Variants in MLIP observed in about 807,000 individuals in gnomAD.
MLIP encodes muscular LMNA-interacting protein.
MLIP carries 79 observed loss-of-function variants against 84.8 expected under a neutral mutation model. That is an observed-to-expected ratio of 0.93 (90% CI 0.78 to 1.12). MLIP has a LOEUF of 1.12. Ranked by LOEUF, MLIP falls within the 50% of genes most tolerant of loss-of-function variation. MLIP has a pLI of 0.00. For synonymous variants in MLIP, 504 were observed against 463.0 expected (o/e 1.09, Z -1.14); for missense variants, 1,257 against 1,160.6 (o/e 1.08, Z -1.21).
At chr6:54,117,841 A>C (rs1199297961) in intron 1 of MLIP, among the ~76,000 whole-genome samples, 1 of 151,696 alleles carries the variant, frequency 6.6e-6, no homozygotes, top group Non-Finnish European at 1.5e-5. Flanking sequence ...AGCTACTCGG[A>C]AGGCTGAAGC....
At chr6:54,143,414 C>T (rs749407603) in intron 4 of MLIP, among the ~76,000 whole-genome samples, 7 of 152,052 alleles carry the variant, frequency 4.6e-5, no homozygotes, top group Non-Finnish European at 8.8e-5. Context: ...CCACATTGGC[C>T]AGGCTGGTCT....
chr6:54,058,990 G>A (rs997004701), intron 1 of MLIP: 2 of 152,192 alleles, frequency 1.3e-5, no homozygotes, highest in Non-Finnish European at 2.9e-5. Context: ...TTTAACAACA[G>A]TATCAACAAC....
intron 4 of MLIP, among the ~76,000 whole-genome samples, chr6:54,144,173 G>A (rs981651783): frequency 3.3e-5 from 5 of 152,140 alleles, no homozygotes; most frequent in Non-Finnish European, 5.9e-5. Flanking sequence ...CCCTATGAAC[G>A]GGATCAGGGC....
intron 8 of MLIP, among the ~76,000 whole-genome samples, chr6:54,164,534 A>C (rs968418111): frequency 2.0e-5 from 3 of 151,918 alleles, no homozygotes; most frequent in Non-Finnish European, 4.4e-5. Context: ...GTTTTGACAA[A>C]AGAATCCAAT....
intron 11 of MLIP, chr6:54,203,584 CTTCCT>C (rs1375758031): frequency 6.6e-6 from 1 of 151,748 alleles, no homozygotes; most frequent in Non-Finnish European, 1.5e-5. Context: ...TTCTTTCTTT[CTTCCT>C]TTCTTTTTTT....
chr6:54,094,698 T>A (rs931503700), intron 1 of MLIP, among the ~76,000 whole-genome samples: 1 of 152,108 alleles, frequency 6.6e-6, no homozygotes, highest in Admixed American at 6.6e-5. Flanking sequence ...GAATTTGCTG[T>A]CTATGGCCTA....
intron 4 of MLIP, among the ~76,000 whole-genome samples, chr6:54,146,071 G>C (rs912098804): frequency 2.6e-5 from 4 of 152,022 alleles, no homozygotes; most frequent in African/African-American, 7.2e-5. Flanking sequence ...CTAAAGCCCT[G>C]TTTTTGGGTA....
At chr6:54,155,861 A>AT (rs1258443316) in intron 5 of MLIP, among the ~76,000 whole-genome samples, 1 of 152,106 alleles carries the variant, frequency 6.6e-6, no homozygotes, top group East Asian at 1.9e-4. Flanking sequence ...AACACTTGTA[A>AT]TGAGAGTATT....
intron 8 of MLIP, among the ~76,000 whole-genome samples, chr6:54,167,822 T>C (rs1381295741): frequency 6.6e-6 from 1 of 151,868 alleles, no homozygotes; most frequent in Non-Finnish European, 1.5e-5. Context: ...GATATCAGGC[T>C]GAAGACCATG....
At chr6:54,079,518 A>T (rs1286174409) in intron 1 of MLIP, 2 of 152,200 alleles carry the variant, frequency 1.3e-5, no homozygotes, top group African/African-American at 4.8e-5. Context: ...AAAGATGCTA[A>T]TACTTACTCA....
intron 1 of MLIP, among the ~76,000 whole-genome samples, chr6:54,118,353 G>A (rs771601022): frequency 3.3e-5 from 5 of 152,208 alleles, no homozygotes; most frequent in Non-Finnish European, 5.9e-5. Context: ...AGTTCCAGCT[G>A]AGAGTCCAGA....
chr6:54,116,971 C>G (rs1184014790), intron 1 of MLIP, among the ~76,000 whole-genome samples: 1 of 152,128 alleles, frequency 6.6e-6, no homozygotes, highest in Admixed American at 6.5e-5. Flanking sequence ...TGATACATCA[C>G]ATTAACTGAA....
At chr6:54,086,320 A>T (rs1767485957) in intron 1 of MLIP, among the ~76,000 whole-genome samples, 1 of 151,478 alleles carries the variant, frequency 6.6e-6, no homozygotes, top group South Asian at 2.1e-4. Context: ...TGTCTAAAAG[A>T]CCCCTCCCAC....
At chr6:54,206,631 G>GT (rs988957093) in intron 11 of MLIP, among the ~76,000 whole-genome samples, 11 of 151,704 alleles carry the variant, frequency 7.3e-5, no homozygotes, top group South Asian at 4.2e-4. Flanking sequence ...TTTCTTCTGA[G>GT]TTTTTTTTAG....
chr6:54,049,232 T>C lies in MLIP; in HGVS notation c.63+30141T>C, dbSNP rs62397365. 1.6e-3 allele frequency among the ~76,000 whole-genome samples: 247 copies of C among 152,260 alleles called. 2 individuals carry two copies. The highest frequency in any genetic ancestry group is 0.014 in the Middle Eastern group (4 of 294). ...GCTAATCTCTGTGGGTGGGGCCCTG[T>C]TATCAATATTTAAACAATACTCCTC... On this transcript the variant is annotated intron_variant, in intron 1 of 12. Coordinates refer to the MLIP transcript ENST00000274897.
At chr6:54,081,065 GTTTTA>G (rs1767113464) in intron 1 of MLIP, among the ~76,000 whole-genome samples, 1 of 152,024 alleles carries the variant, frequency 6.6e-6, no homozygotes, top group Admixed American at 6.5e-5. Context: ...GCCAAGGGCT[GTTTTA>G]TTTTATTGTT....
At position 54,202,310 on chromosome 6, in the gene MLIP, A is replaced by C. The variant is rs1778746911; in HGVS notation, c.2718+77A>C. The C allele has an allele frequency of 6.7e-6, 5 of 748,938 alleles. No homozygotes were observed. The South Asian group carries it at 2.2e-4, about 32-fold the overall frequency. The allele number at this position is 748,938 out of a possible 1,614,324, so 46.4% of individuals were successfully genotyped here. ...ATAAAATATATATAAATATATAAATATATTTTGATAAATATAAAATAAAGA... is the reference window on the plus strand; with the variant it reads ...ATAAAATATATATAAATATATAAATCTATTTTGATAAATATAAAATAAAGA... On this transcript the variant is annotated intron_variant, in intron 11 of 13. Transcript: ENST00000502396.
chr6:54,144,615 G>GT (rs943639260), intron 4 of MLIP, among the ~76,000 whole-genome samples: 1 of 152,162 alleles, frequency 6.6e-6, no homozygotes, highest in African/African-American at 2.4e-5. Flanking sequence ...TGCTGATCTG[G>GT]TAGGAGGCAG....
rs961645236 is a variant in MLIP at position 54,254,808 on chromosome 6, G to A, written c.2923-2500G>A. On this transcript the variant is annotated intron_variant, in intron 12 of 13. Transcript: ENST00000502396. ...TCCCCCCCCACTTTCCTGCCCTGCCGCCACATCTCTCATGCATTATTTAAA... is the reference window on the plus strand; with the variant it reads ...TCCCCCCCCACTTTCCTGCCCTGCCACCACATCTCTCATGCATTATTTAAA... Among the ~76,000 whole-genome samples the A allele has an allele frequency of 1.8e-4, 19 of 103,302 alleles. 1 individual carries two copies. The Middle Eastern group carries it at 0.019, about 102-fold the overall frequency. 67.8% of individuals were successfully genotyped at this position (103,302 alleles called of 152,430 possible).
Sources: gnomAD v4.1 joint callset for allele counts (sites outside exome capture counted in the v4.1 genomes callset) on GRCh38, gnomAD v4.1.1 for gene constraint, MANE v1.5 for transcripts, NCBI Gene and HGNC (gene_info 2026-07-23, HGNC 2026-07-21) for gene names.